Variants in FRMD4A observed in about 807,000 individuals in gnomAD.
The protein encoded by FRMD4A is FERM domain-containing protein 4A.
In FRMD4A, 29 loss-of-function variants were observed where a neutral mutation model predicts 129.1. The ratio of observed to expected loss-of-function variants is 0.22; its 90% CI spans 0.17 to 0.31. The LOEUF is 0.31. FRMD4A is among the 10% of genes least tolerant of loss of function. The pLI, the probability that FRMD4A is intolerant of heterozygous loss-of-function variation, is 1.00. For missense variants in FRMD4A, 1,272 were observed against 1,375.8 expected (o/e 0.92, Z 1.19); for synonymous variants, 634 against 571.6 (o/e 1.11, Z -1.56).
intron 2 of FRMD4A, among the ~76,000 whole-genome samples, chr10:13,961,830 A>G (rs1565120011): frequency 6.6e-6 from 1 of 152,216 alleles, no homozygotes; most frequent in Non-Finnish European, 1.5e-5. Flanking sequence ...ATATGGAATC[A>G]TATTTTTTTT....
At chr10:13,851,305 C>G (rs1354435444) in intron 3 of FRMD4A, among the ~76,000 whole-genome samples, 4 of 152,190 alleles carry the variant, frequency 2.6e-5, no homozygotes. Flanking sequence ...TCTGGGTAAC[C>G]CCAAACAATT....
intron 2 of FRMD4A, among the ~76,000 whole-genome samples, chr10:14,289,262 G>A (rs759205951): frequency 5.2e-4 from 79 of 151,810 alleles, no homozygotes; most frequent in Middle Eastern, 3.2e-3. Context: ...CAATTTATTC[G>A]TATCTCACCA....
intron 2 of FRMD4A, among the ~76,000 whole-genome samples, chr10:14,242,335 C>G (rs1350483576): frequency 6.6e-6 from 1 of 152,166 alleles, no homozygotes; most frequent in African/African-American, 2.4e-5. Context: ...AAGTCAGACG[C>G]TAACTCAAAT....
chr10:13,685,076 T>A, intron 15 of FRMD4A: 2 of 985,064 alleles, frequency 2.0e-6, no homozygotes, highest in Non-Finnish European at 2.4e-6. Context: ...CGGGAAATAA[T>A]GCCACATTGC....
At chr10:14,311,117 C>T (rs1008652010) in intron 2 of FRMD4A, among the ~76,000 whole-genome samples, 1 of 152,154 alleles carries the variant, frequency 6.6e-6, no homozygotes, top group African/African-American at 2.4e-5. Flanking sequence ...TTGCATCCCT[C>T]TGTGTGTCTG....
At chr10:13,749,212 A>T (rs10752323) in intron 8 of FRMD4A, among the ~76,000 whole-genome samples, 106,392 of 152,100 alleles carry the variant, frequency 0.7, 38,056 homozygotes, top group East Asian at 0.88. Flanking sequence ...CACATGTAGG[A>T]GCATTCTGCC....
In FRMD4A at chr10:14,161,140, G is replaced by C. The variant is rs2131869447; in HGVS notation, c.45+168918C>G. Among the ~76,000 whole-genome samples, 2 of 152,296 alleles carry C rather than the reference G, an allele frequency of 1.3e-5. 1 individual carries two copies. The highest frequency in any genetic ancestry group is 3.9e-4 in the East Asian group (2 of 5,186). The stretch of plus-strand genomic sequence containing the variant: ...TGGATAATTTTTTGTAGTTTTAGCA[G>C]AGACAGGGTTTCACTGTGTTGGCCA... On this transcript the variant is annotated intron_variant, in intron 2 of 24. Coordinates refer to ENST00000357447, the MANE Select transcript of FRMD4A (RefSeq NM_018027.5).
intron 20 of FRMD4A, 137 bp from the exon 21 acceptor site, chr10:13,659,627 A>G (rs2082469744): frequency 1.3e-6 from 1 of 797,304 alleles, no homozygotes; most frequent in African/African-American, 1.7e-5. Context: ...TCAGACCTCT[A>G]CTGTGGTTCT....
chr10:14,169,376 C>T (rs1011959945), intron 2 of FRMD4A, among the ~76,000 whole-genome samples: 4 of 152,156 alleles, frequency 2.6e-5, no homozygotes, highest in Non-Finnish European at 5.9e-5. Flanking sequence ...TAGGCTGTGA[C>T]ACGCATAGCA....
At chr10:14,090,443 C>T (rs762196876) in intron 2 of FRMD4A, among the ~76,000 whole-genome samples, 3 of 152,102 alleles carry the variant, frequency 2.0e-5, no homozygotes, top group Admixed American at 6.5e-5. Context: ...CCTGGGGACA[C>T]GACAGTCAAC....
chr10:14,284,076 C>A (rs934246068), intron 2 of FRMD4A, among the ~76,000 whole-genome samples: 1 of 152,182 alleles, frequency 6.6e-6, no homozygotes, highest in Non-Finnish European at 1.5e-5. Context: ...TCAGTTATCT[C>A]AACTATGAAA....
intron 8 of FRMD4A, among the ~76,000 whole-genome samples, chr10:13,750,121 A>AAAGAAAGAAAGAAATG (rs1564739567): frequency 9.1e-5 from 12 of 131,384 alleles, no homozygotes; most frequent in African/African-American, 1.9e-4. Flanking sequence ...AGAAAGAAAG[A>AAAGAAAGAAAGAAATG]AAGAAAGAAA....
At chr10:14,009,275 T>C (rs559386579) in intron 2 of FRMD4A, among the ~76,000 whole-genome samples, 3 of 152,224 alleles carry the variant, frequency 2.0e-5, no homozygotes, top group African/African-American at 7.2e-5. Context: ...ACAAAGAAAA[T>C]CAAGTAAGGT....
At chr10:14,127,968 T>TTCTCTCTCTCTC (rs1440627660) in intron 2 of FRMD4A, among the ~76,000 whole-genome samples, 1 of 33,612 alleles carries the variant, frequency 3.0e-5, no homozygotes, top group African/African-American at 1.3e-4. Context: ...CTTTCTTTCT[T>TTCTCTCTCTCTC]TCTTTCTTTC....
At chr10:14,121,061 G>A (rs1838483248) in intron 2 of FRMD4A, among the ~76,000 whole-genome samples, 1 of 152,118 alleles carries the variant, frequency 6.6e-6, no homozygotes, top group African/African-American at 2.4e-5. Flanking sequence ...GAATCACCTG[G>A]GGACTTTGCT....
At chr10:14,079,781 A>G (rs1835821251) in intron 2 of FRMD4A, among the ~76,000 whole-genome samples, 1 of 152,082 alleles carries the variant, frequency 6.6e-6, no homozygotes, top group Non-Finnish European at 1.5e-5. Flanking sequence ...GCTTTTTCAC[A>G]TTTGCTGCTG....
rs116842110 is a variant in FRMD4A at position 13,917,780 on chromosome 10, C to T, written c.46-58868G>A. 1.6e-3 allele frequency among the ~76,000 whole-genome samples: 241 copies of T among 152,276 alleles called. 1 individual carries two copies. The highest frequency in any genetic ancestry group is 0.013 in the East Asian group (67 of 5,176). ...CGAAGGTCCCTCTCTTTGCAACACC[C>T]GGCAAAGGGGACAGGAAATCTGAGC... On this transcript the variant is annotated intron_variant, in intron 2 of 24. Coordinates refer to ENST00000357447, the MANE Select transcript of FRMD4A (RefSeq NM_018027.5).
intron 2 of FRMD4A, among the ~76,000 whole-genome samples, chr10:13,995,077 T>G (rs4750449): frequency 0.29 from 43,443 of 152,082 alleles, 7,373 homozygotes; most frequent in East Asian, 0.73. Flanking sequence ...ACTGGATCTC[T>G]TAAGGACAGA....
chr10:14,006,386 A>G (rs2095662258), intron 2 of FRMD4A, among the ~76,000 whole-genome samples: 1 of 152,162 alleles, frequency 6.6e-6, no homozygotes, highest in Admixed American at 6.5e-5. Flanking sequence ...ATACCCAATA[A>G]CAGACATGTT....
Sources: gnomAD v4.1 joint callset for allele counts (sites outside exome capture counted in the v4.1 genomes callset) on GRCh38, gnomAD v4.1.1 for gene constraint, MANE v1.5 for transcripts, NCBI Gene and HGNC (gene_info 2026-07-23, HGNC 2026-07-21) for gene names.